The following SERPINA6 variants were observed in gnomAD, a reference collection of about 807,000 sequenced individuals.
SERPINA6 encodes the protein corticosteroid-binding globulin.
In SERPINA6, 19 loss-of-function variants were observed where a neutral mutation model predicts 26.4. That is an observed-to-expected ratio of 0.72 (90% CI 0.50 to 1.06). The LOEUF is 1.06. Ranked by LOEUF, SERPINA6 falls within the 50% of genes least tolerant of loss-of-function variation. The pLI is 0.00. For missense variants in SERPINA6, 473 were observed against 504.0 expected (o/e 0.94, Z 0.59); for synonymous variants, 196 against 199.4 (o/e 0.98, Z 0.14).
intron 3 of SERPINA6, among the ~76,000 whole-genome samples, chr14:94,309,304 G>A (rs1233154325): frequency 2.9e-5 from 2 of 69,698 alleles, no homozygotes; most frequent in African/African-American, 8.1e-5. Context: ...TTGGCTCCAT[G>A]ATGTATACAT....
At chr14:94,310,143 A>C in intron 2 of SERPINA6, 137 bp from the exon 3 acceptor site, 1 of 861,388 alleles carries the variant, frequency 1.2e-6, no homozygotes, top group South Asian at 1.5e-5. Flanking sequence ...AAGGGTTTTT[A>C]GGTAAGATAT....
chr14:94,313,796 G>A (rs1327477656), intron 2 of SERPINA6: 1 of 654,438 alleles, frequency 1.5e-6, no homozygotes, highest in Non-Finnish European at 2.8e-6. Flanking sequence ...ACAGGTGTGG[G>A]CCTCAAACCA....
chr14:94,307,668 A>G (rs1048483373), intron 3 of SERPINA6, among the ~76,000 whole-genome samples: 2 of 152,156 alleles, frequency 1.3e-5, no homozygotes, highest in Admixed American at 6.5e-5. Flanking sequence ...TGGCAAATGG[A>G]TCCCTAGCAT....
chr14:94,306,317 G>T (rs1292459571), intron 3 of SERPINA6, 99 bp from the exon 4 acceptor site: 1 of 1,305,876 alleles, frequency 7.7e-7, no homozygotes, highest in African/African-American at 1.5e-5. Flanking sequence ...ATTTCCTCAT[G>T]CGCTCCCTCC....
In SERPINA6 at chr14:94,304,257, C is replaced by A; in HGVS notation, c.*161G>T. 1 of 755,942 alleles carries A rather than the reference C, an allele frequency of 1.3e-6. No individual in the cohort carries two copies. Among genetic ancestry groups the A allele is most frequent in the Non-Finnish European group, 2.3e-6 (1 of 427,986 alleles). The allele number at this position is 755,942 out of a possible 1,614,324, so 46.8% of individuals were successfully genotyped here. A position where few individuals can be genotyped will look rare whatever the true frequency, so the allele number is the denominator to read the frequency against. Reference sequence around the variant, plus strand: ...TTAACCACACCGGTCATCAGAGTCGCAATGACATTTATTAAAAGATGCCTA... The same window carrying A: ...TTAACCACACCGGTCATCAGAGTCGAAATGACATTTATTAAAAGATGCCTA... On this transcript the variant is annotated 3_prime_UTR_variant, in exon 5 of 5. Coordinates refer to ENST00000341584, the MANE Select transcript of SERPINA6 (RefSeq NM_001756.4).
At chr14:94,321,973 T>C (rs941600) in intron 1 of SERPINA6, among the ~76,000 whole-genome samples, 106,485 of 152,098 alleles carry the variant, frequency 0.7, 38,923 homozygotes, top group East Asian at 1. Flanking sequence ...GAAAACTCCA[T>C]CCACCCCACA....
intron 2 of SERPINA6, 127 bp downstream of exon 2, chr14:94,313,909 G>A (rs766524154): frequency 2.0e-6 from 2 of 1,000,632 alleles, no homozygotes; most frequent in African/African-American, 1.6e-5. Context: ...TGGTGAAGAT[G>A]GAGATTCCCA....
At chr14:94,311,735 C>A (rs977161567) in intron 2 of SERPINA6, among the ~76,000 whole-genome samples, 1 of 151,944 alleles carries the variant, frequency 6.6e-6, no homozygotes. Flanking sequence ...GTCAGGAGAT[C>A]GAGACCGTCC....
chr14:94,309,667 C>T lies in SERPINA6; in HGVS notation c.884+69G>A, dbSNP rs1895496724. ...AAGGAAGGATGCCCCAGCATACTCC[C>T]TTTCCACGTGCCCCACTTTCTGGGG... On this transcript the variant is annotated intron_variant, in intron 3 of 4. Transcript: ENST00000341584. The T allele has an allele frequency of 6.3e-6, 10 of 1,575,192 alleles. No homozygotes were observed. In the East Asian group the frequency reaches 1.6e-4, roughly 25 times the overall value.
At chr14:94,314,727 T>C in intron 1 of SERPINA6, 60 bp from the exon 2 acceptor site, 7 of 1,537,280 alleles carry the variant, frequency 4.6e-6, no homozygotes, top group Non-Finnish European at 6.2e-6. Flanking sequence ...TGGGGCGTAG[T>C]GCAAGAGGAG....
intron 3 of SERPINA6, among the ~76,000 whole-genome samples, chr14:94,308,951 C>T (rs1895483497): frequency 6.6e-6 from 1 of 152,140 alleles, no homozygotes; most frequent in Non-Finnish European, 1.5e-5. Context: ...CTCACTTATT[C>T]ATCCATTAAT....
intron 1 of SERPINA6, among the ~76,000 whole-genome samples, chr14:94,315,697 C>CA (rs552999383): frequency 1.2e-3 from 184 of 152,244 alleles, no homozygotes; most frequent in African/African-American, 4.1e-3. Context: ...GGGGTGACTA[C>CA]ACTAATATTA....
chr14:94,311,676 A>T (rs1329338449), intron 2 of SERPINA6, among the ~76,000 whole-genome samples: 1 of 152,148 alleles, frequency 6.6e-6, no homozygotes, highest in Non-Finnish European at 1.5e-5. Flanking sequence ...GCGGTGGCTC[A>T]CACCTGTAAT....
chr14:94,311,170 C>A (rs1190392528), intron 2 of SERPINA6, among the ~76,000 whole-genome samples: 1 of 152,188 alleles, frequency 6.6e-6, no homozygotes, highest in African/African-American at 2.4e-5. Context: ...TCTTAATGAC[C>A]TCACTAACCT....
chr14:94,306,000 C>T, intron 4 of SERPINA6, 71 bp downstream of exon 4: 1 of 1,579,788 alleles, frequency 6.3e-7, no homozygotes, highest in East Asian at 2.2e-5. Context: ...AACTCAGTGC[C>T]ACTTCCTAGT....
intron 2 of SERPINA6, among the ~76,000 whole-genome samples, chr14:94,311,500 C>G (rs890563967): frequency 2.0e-5 from 3 of 152,054 alleles, no homozygotes; most frequent in African/African-American, 7.2e-5. Flanking sequence ...TTTAAGGGAT[C>G]TATTCTCAAA....
At chr14:94,319,366 A>G (rs966881585) in intron 1 of SERPINA6, among the ~76,000 whole-genome samples, 1 of 152,244 alleles carries the variant, frequency 6.6e-6, no homozygotes, top group African/African-American at 2.4e-5. Context: ...GTAGGAATAT[A>G]AAGTGCTACA....
intron 1 of SERPINA6, among the ~76,000 whole-genome samples, chr14:94,319,812 A>G (rs1193509178): frequency 3.3e-5 from 5 of 152,096 alleles, no homozygotes; most frequent in Admixed American, 3.3e-4. Flanking sequence ...GAGATTGGGG[A>G]GTTATTGTTG....
chr14:94,313,917 C>G (rs776709464), intron 2 of SERPINA6, 119 bp downstream of exon 2: 1 of 1,059,790 alleles, frequency 9.4e-7, no homozygotes, highest in African/African-American at 1.6e-5. Flanking sequence ...ATGGAGATTC[C>G]CAGATGTGTA....
Sources: gnomAD v4.1 joint callset for allele counts (sites outside exome capture counted in the v4.1 genomes callset) on GRCh38, gnomAD v4.1.1 for gene constraint, MANE v1.5 for transcripts, NCBI Gene and HGNC (gene_info 2026-07-23, HGNC 2026-07-21) for gene names.